PFDN1: variants seen among roughly 807,000 people sequenced by gnomAD.
PFDN1 encodes prefoldin subunit 1, also known as prefoldin 1.
In PFDN1, 6 loss-of-function variants were observed where a neutral mutation model predicts 17.3. The observed-to-expected ratio is 0.35, with a 90% confidence interval of 0.19 to 0.69. The LOEUF is 0.69. PFDN1 is among the 30% of genes least tolerant of loss of function. The pLI is 0.65. For synonymous variants in PFDN1, 58 were observed against 50.1 expected (o/e 1.16, Z -0.67); for missense variants, 113 against 146.2 (o/e 0.77, Z 1.17).
At chr5:140,289,739 C>A (rs1172222412) in intron 2 of PFDN1, among the ~76,000 whole-genome samples, 1 of 152,144 alleles carries the variant, frequency 6.6e-6, no homozygotes, top group African/African-American at 2.4e-5. Context: ...TTCAACATGG[C>A]CCAAATTAAA....
Position 140,303,052 on chromosome 5 carries a change from C to G in PFDN1, c.22G>C (p.Glu8Gln), listed in dbSNP as rs1169957215. 2.5e-6 allele frequency: 4 copies of G among 1,612,700 alleles called. No individual in the cohort carries two copies. Among genetic ancestry groups the G allele is most frequent in the African/African-American group, 1.3e-5 (1 of 75,030 alleles). MAAPVDLELKKAFTELQA... is the reference protein window; with the variant it reads MAAPVDLQLKKAFTELQA... ...AGACCCTCTTTTACCTTCTTCAGCTCTAGATCCACGGGGGCGGCCATCTTG... is the reference window on the plus strand; with the variant it reads ...AGACCCTCTTTTACCTTCTTCAGCTGTAGATCCACGGGGGCGGCCATCTTG... Residue 8 changes from glutamate to glutamine, a missense_variant, in exon 1 of 4, where the codon GAG becomes CAG. By Grantham distance (29) the Glu-to-Gln change is conservative (BLOSUM62 2). Coordinates refer to ENST00000261813, the MANE Select transcript of PFDN1 (RefSeq NM_002622.5).
intron 3 of PFDN1, among the ~76,000 whole-genome samples, chr5:140,258,848 A>G (rs2126680917): frequency 6.6e-6 from 1 of 152,336 alleles, no homozygotes; most frequent in South Asian, 2.1e-4. Context: ...ATGAGATGTG[A>G]AAAACTAGAT....
chr5:140,256,380 A>AAACAAC (rs373938573), intron 3 of PFDN1, among the ~76,000 whole-genome samples: 1 of 151,888 alleles, frequency 6.6e-6, no homozygotes. Flanking sequence ...CCTCCATCTC[A>AAACAAC]AACAACAACA....
At chr5:140,279,402 C>T (rs1765355309) in intron 3 of PFDN1, among the ~76,000 whole-genome samples, 1 of 152,000 alleles carries the variant, frequency 6.6e-6, no homozygotes, top group Non-Finnish European at 1.5e-5. Context: ...CAAAAGGAAA[C>T]TTGCAGAAAG....
At chr5:140,268,597 A>C (rs2126684773) in intron 3 of PFDN1, among the ~76,000 whole-genome samples, 1 of 152,264 alleles carries the variant, frequency 6.6e-6, no homozygotes, top group South Asian at 2.1e-4. Context: ...GTGAGCCAAG[A>C]ATGCACCACT....
chr5:140,291,678 A>G (rs200102282), intron 2 of PFDN1, among the ~76,000 whole-genome samples: 4,216 of 148,472 alleles, frequency 0.028, 182 homozygotes, highest in African/African-American at 0.098. Flanking sequence ...ACAAAAAAAA[A>G]GAAAAAAAAA....
chr5:140,274,655 T>A (rs752816220), intron 3 of PFDN1, among the ~76,000 whole-genome samples: 1 of 152,162 alleles, frequency 6.6e-6, no homozygotes, highest in South Asian at 2.1e-4. Context: ...TGAAAATACT[T>A]CCCAATTAAT....
At chr5:140,279,316 T>C (rs1416590047) in intron 3 of PFDN1, among the ~76,000 whole-genome samples, 3 of 152,088 alleles carry the variant, frequency 2.0e-5, no homozygotes, top group South Asian at 2.1e-4. Context: ...GTAAGTAACA[T>C]GTAAAATGAA....
At chr5:140,273,610 T>C (rs1323783490) in intron 3 of PFDN1, among the ~76,000 whole-genome samples, 3 of 152,170 alleles carry the variant, frequency 2.0e-5, no homozygotes, top group Admixed American at 6.5e-5. Flanking sequence ...TGACCAAAAC[T>C]GTCATTTTTG....
intron 3 of PFDN1, chr5:140,273,859 T>C: frequency 1.0e-6 from 1 of 974,140 alleles, no homozygotes; most frequent in African/African-American, 1.8e-5. Context: ...CTGGTGAACC[T>C]GTATATGCAT....
In PFDN1 at chr5:140,245,182, T is replaced by C. The variant is rs1764809190; in HGVS notation, c.*792A>G. On this transcript the variant is annotated 3_prime_UTR_variant, in exon 4 of 4. Transcript: ENST00000261813. ...TGCAACAAAATTCTTGAAAATTGAATAATTGGCCCACCTGGGCTGGGATGA... is the reference window on the plus strand; with the variant it reads ...TGCAACAAAATTCTTGAAAATTGAACAATTGGCCCACCTGGGCTGGGATGA... 3.3e-6 allele frequency: 1 copy of C among 303,300 alleles called. No homozygotes were observed. Among genetic ancestry groups the C allele is most frequent in the Non-Finnish European group, 6.1e-6 (1 of 164,628 alleles). The allele number at this position is 303,300 out of a possible 1,614,324, so 18.8% of individuals were successfully genotyped here. A position where few individuals can be genotyped will look rare whatever the true frequency, so the allele number is the denominator to read the frequency against.
Position 140,259,528 on chromosome 5 carries a change from G to A in PFDN1, c.286-13471C>T, listed in dbSNP as rs1321637910. Among the ~76,000 whole-genome samples, 3 of 152,296 alleles carry A rather than the reference G, an allele frequency of 2.0e-5. No individual in the cohort carries two copies. In the East Asian group the frequency reaches 5.8e-4, roughly 29 times the overall value. Reference sequence around the variant, plus strand: ...TTAAAACCCTACAAGTCTTCCAAATGAGCAAAAACAACAACAAAAAACAGT... The same window carrying A: ...TTAAAACCCTACAAGTCTTCCAAATAAGCAAAAACAACAACAAAAAACAGT... On this transcript the variant is annotated intron_variant, in intron 3 of 3. Transcript: ENST00000261813.
chr5:140,251,275 A>G (rs189601590), intron 3 of PFDN1, among the ~76,000 whole-genome samples: 138 of 152,292 alleles, frequency 9.1e-4, no homozygotes, highest in African/African-American at 3.1e-3. Flanking sequence ...TACCCCATAA[A>G]TCTATACAAT....
chr5:140,272,653 C>T (rs887624486), intron 3 of PFDN1, among the ~76,000 whole-genome samples: 1 of 152,072 alleles, frequency 6.6e-6, no homozygotes, highest in East Asian at 1.9e-4. Flanking sequence ...CCACCATGCC[C>T]GGCTGTAAAA....
rs551690089 is a variant in PFDN1, at chr5:140,250,187, T to C, written c.286-4130A>G. The stretch of plus-strand genomic sequence containing the variant: ...AAACAACTATTCACACCACAGTACT[T>C]TTCAACTTCCAAGAAGCCATGCATG... On this transcript the variant is annotated intron_variant, in intron 3 of 3. Coordinates refer to ENST00000261813, the MANE Select transcript of PFDN1 (RefSeq NM_002622.5). Among the ~76,000 whole-genome samples, 91 of 152,252 alleles carry C rather than the reference T, an allele frequency of 6.0e-4. 2 individuals are homozygous for C. The highest frequency in any genetic ancestry group is 5.9e-3 in the Admixed American group (90 of 15,294).
intron 2 of PFDN1, among the ~76,000 whole-genome samples, chr5:140,288,481 TATG>T (rs1765530718): frequency 2.0e-5 from 3 of 152,342 alleles, no homozygotes; most frequent in Non-Finnish European, 4.4e-5. Flanking sequence ...AACTATACTG[TATG>T]ATAACACAAA....
In PFDN1 at chr5:140,303,100, G is replaced by C. The variant is rs1238710580; in HGVS notation, c.-27C>G. On this transcript the variant is annotated 5_prime_UTR_variant, in exon 1 of 4. Transcript: ENST00000261813. ...TTGGTGCACTGTAAGCGCCTGCGCAGTGGGAGTTGGACTGAAATAGGGTGG... is the reference window on the plus strand; with the variant it reads ...TTGGTGCACTGTAAGCGCCTGCGCACTGGGAGTTGGACTGAAATAGGGTGG... 3 of 1,599,574 alleles carry C rather than the reference G, an allele frequency of 1.9e-6. No individual in the cohort carries two copies. Among genetic ancestry groups the C allele is most frequent in the South Asian group, 2.2e-5 (2 of 90,772 alleles).
At chr5:140,297,302 G>C (rs551182589) in intron 2 of PFDN1, among the ~76,000 whole-genome samples, 1 of 152,194 alleles carries the variant, frequency 6.6e-6, no homozygotes, top group East Asian at 1.9e-4. Context: ...GTAAAGACTA[G>C]AATTAAAGAA....
intron 3 of PFDN1, among the ~76,000 whole-genome samples, chr5:140,260,524 G>A (rs994805178): frequency 1.1e-4 from 17 of 151,314 alleles, no homozygotes; most frequent in African/African-American, 3.9e-4. Flanking sequence ...AACGAGAGAA[G>A]TACTGATACA....
Sources: allele counts gnomAD v4.1 joint callset (sites outside exome capture counted in the v4.1 genomes callset), GRCh38; gene constraint gnomAD v4.1.1; transcripts MANE v1.5; gene names NCBI Gene and HGNC (gene_info 2026-07-23, HGNC 2026-07-21).